The following ZUP1 variants were observed in gnomAD, a reference collection of about 807,000 sequenced individuals.
ZUP1 encodes zinc finger-containing ubiquitin peptidase 1.
Under a neutral mutation model 68.1 loss-of-function variants are expected in ZUP1, and 55 were observed. The ratio of observed to expected loss-of-function variants is 0.81; its 90% CI spans 0.65 to 1.01. The LOEUF (loss-of-function observed/expected upper bound fraction) is 1.01. Ranked by LOEUF, ZUP1 falls within the 50% of genes least tolerant of loss-of-function variation. The pLI, the probability that ZUP1 is intolerant of heterozygous loss-of-function variation, is 0.00. For missense variants in ZUP1, 684 were observed against 674.9 expected (o/e 1.01, Z -0.15); for synonymous variants, 223 against 221.5 (o/e 1.01, Z -0.06).
Position 116,645,726 on chromosome 6 carries a change from T to A in ZUP1, c.1677A>T (p.Leu559=). 6.2e-7 allele frequency: 1 copy of A among 1,609,146 alleles called. No homozygotes were observed. Among genetic ancestry groups the A allele is most frequent in the Non-Finnish European group, 8.5e-7 (1 of 1,178,182 alleles). Residue 559 remains leucine (L), a synonymous_variant, in exon 9 of 10, where the codon CTA becomes CTT. Coordinates refer to ENST00000368576, the MANE Select transcript of ZUP1 (RefSeq NM_145062.3). ...QILAVEGALS[L]EEKLARRQAS... is the part of the protein sequence containing the mutation. ...TTTAGATACTTACAAGTTTCTCCTC[T>A]AGAGAAAGAGCACCCTCTACTGCCA...
At chr6:116,657,398 A>G (rs1350852400) in intron 4 of ZUP1, among the ~76,000 whole-genome samples, 1 of 152,220 alleles carries the variant, frequency 6.6e-6, no homozygotes, top group Non-Finnish European at 1.5e-5. Context: ...TCTGAGATCT[A>G]AACAACTAAC....
Position 116,667,054 on chromosome 6 carries a change from GA to G in ZUP1, c.138del (p.His47IlefsTer19), listed in dbSNP as rs1476856422. On this transcript the variant is annotated frameshift_variant, in exon 2 of 10. Coordinates refer to ENST00000368576, the MANE Select transcript of ZUP1 (RefSeq NM_145062.3). LOFTEE classifies it high-confidence loss of function. ...TGCTCAAAATGAGCTGTTTCGATAT[GA>G]AAACACATTTCATCATAATTCACAC... ...LSGVNYDEMCFHIETAHFEQN... is the reference protein window; with the variant it reads ...LSGVNYDEMCXHIETAHFEQN... 6.2e-7 allele frequency: 1 copy of G among 1,613,536 alleles called. No homozygotes were observed. The highest frequency in any genetic ancestry group is 1.3e-5 in the African/African-American group (1 of 74,870).
chr6:116,652,495 C>A (rs917383187), intron 5 of ZUP1, among the ~76,000 whole-genome samples: 3 of 152,116 alleles, frequency 2.0e-5, no homozygotes, highest in Non-Finnish European at 4.4e-5. Context: ...GTATAGACTA[C>A]TGGAGATCAC....
intron 3 of ZUP1, among the ~76,000 whole-genome samples, chr6:116,659,667 G>T (rs1776778157): frequency 6.6e-6 from 1 of 151,986 alleles, no homozygotes; most frequent in Non-Finnish European, 1.5e-5. Flanking sequence ...ACAAAGTGCA[G>T]GTGTTAGATA....
chr6:116,665,760 T>C (rs1372344023), intron 2 of ZUP1, among the ~76,000 whole-genome samples: 1 of 149,794 alleles, frequency 6.7e-6, no homozygotes, highest in East Asian at 1.9e-4. Context: ...TTTGGTTTTT[T>C]TTTTTTTTTT....
At chr6:116,660,891 ATTT>A (rs747714483) in intron 2 of ZUP1, 45 bp from the exon 3 acceptor site, 4 of 1,184,836 alleles carry the variant, frequency 3.4e-6, no homozygotes, top group Non-Finnish European at 4.7e-6. Flanking sequence ...TTTTATTTTA[ATTT>A]TTTTCTTTGC....
intron 9 of ZUP1, among the ~76,000 whole-genome samples, chr6:116,638,908 G>A (rs940252682): frequency 3.3e-5 from 5 of 152,260 alleles, no homozygotes; most frequent in Non-Finnish European, 5.9e-5. Context: ...GGAAGCGCAA[G>A]GGGTCAGGGA....
chr6:116,655,040 T>A (rs545703326), intron 5 of ZUP1, among the ~76,000 whole-genome samples: 2 of 152,066 alleles, frequency 1.3e-5, no homozygotes, highest in African/African-American at 2.4e-5. Context: ...TCATAAATTA[T>A]AAGAGTAGAA....
chr6:116,664,841 T>A (rs1776950749), intron 2 of ZUP1, among the ~76,000 whole-genome samples: 1 of 150,612 alleles, frequency 6.6e-6, no homozygotes. Flanking sequence ...AAAAATTAGA[T>A]CCCAAGTTCA....
At chr6:116,650,878 G>A (rs540504044) in intron 7 of ZUP1, among the ~76,000 whole-genome samples, 1 of 151,920 alleles carries the variant, frequency 6.6e-6, no homozygotes, top group South Asian at 2.1e-4. Context: ...AACTTCCACA[G>A]AAAATAAATA....
chr6:116,640,676 A>C lies in ZUP1; in HGVS notation c.1690-4797T>G, dbSNP rs1221723936. Among the ~76,000 whole-genome samples the C allele has an allele frequency of 4.6e-5, 7 of 152,174 alleles. No homozygotes were observed. In the South Asian group the frequency reaches 6.2e-4, roughly 14 times the overall value. On this transcript the variant is annotated intron_variant, in intron 9 of 9. Transcript: ENST00000368576. ...CACCACCAGGCCTGCCCTAAAAGAG[A>C]TCCTGAAGGAAGCACTAAACATGGA...
At chr6:116,644,280 G>A (rs1018543117) in intron 9 of ZUP1, among the ~76,000 whole-genome samples, 40 of 152,156 alleles carry the variant, frequency 2.6e-4, no homozygotes, top group African/African-American at 9.4e-4. Flanking sequence ...AGTCAGTGTG[G>A]TGATTCCTCA....
intron 2 of ZUP1, among the ~76,000 whole-genome samples, chr6:116,663,017 T>G (rs1776893886): frequency 6.6e-6 from 1 of 152,136 alleles, no homozygotes; most frequent in African/African-American, 2.4e-5. Context: ...TAGAAATAGT[T>G]CTATGCCTTC....
intron 8 of ZUP1, 155 bp from the exon 9 acceptor site, chr6:116,646,089 G>A: frequency 2.1e-6 from 1 of 472,920 alleles, no homozygotes; most frequent in Non-Finnish European, 3.6e-6. Context: ...AGACGTAAGA[G>A]TTTAGTTCTA....
At chr6:116,653,151 G>A (rs551810343) in intron 5 of ZUP1, among the ~76,000 whole-genome samples, 4 of 151,992 alleles carry the variant, frequency 2.6e-5, no homozygotes, top group South Asian at 2.1e-4. Flanking sequence ...CATCTGACTC[G>A]GCCCCTTTCC....
chr6:116,653,584 A>G (rs1001938548), intron 5 of ZUP1, among the ~76,000 whole-genome samples: 4 of 152,156 alleles, frequency 2.6e-5, no homozygotes, highest in East Asian at 3.9e-4. Flanking sequence ...AAGAACTTAG[A>G]AAGACTTGAA....
chr6:116,639,586 G>A (rs1056080306), intron 9 of ZUP1, among the ~76,000 whole-genome samples: 34 of 152,346 alleles, frequency 2.2e-4, no homozygotes, highest in African/African-American at 7.5e-4. Context: ...ACGGTCTGGA[G>A]TGGACCTCTA....
chr6:116,655,034 A>G (rs1276547402), intron 5 of ZUP1, among the ~76,000 whole-genome samples: 1 of 152,090 alleles, frequency 6.6e-6, no homozygotes, highest in Admixed American at 6.5e-5. Flanking sequence ...ACATGTTCAT[A>G]AATTATAAGA....
At chr6:116,659,511 T>C (rs1018796949) in intron 3 of ZUP1, among the ~76,000 whole-genome samples, 3 of 152,108 alleles carry the variant, frequency 2.0e-5, no homozygotes, top group African/African-American at 7.2e-5. Flanking sequence ...GAAGTAGTTA[T>C]TATTATTTAC....
Sources: allele counts gnomAD v4.1 joint callset (sites outside exome capture counted in the v4.1 genomes callset), GRCh38; gene constraint gnomAD v4.1.1; transcripts MANE v1.5; gene names NCBI Gene and HGNC (gene_info 2026-07-23, HGNC 2026-07-21).